The following AQP9 variants were observed in gnomAD, a reference collection of about 807,000 sequenced individuals.
AQP9 encodes aquaporin 9, also known as aquaporin-9.
Under a neutral mutation model 23.8 loss-of-function variants are expected in AQP9, and 19 were observed. That is an observed-to-expected ratio of 0.80 (90% CI 0.56 to 1.17). The LOEUF is 1.17. AQP9 is among the 50% of genes most tolerant of loss of function. AQP9 has a pLI of 0.00. For missense variants in AQP9, 413 were observed against 362.0 expected (o/e 1.14, Z -1.14); for synonymous variants, 153 against 131.5 (o/e 1.16, Z -1.12).
chr15:58,179,509 ATGTG>A (rs3052103), intron 5 of AQP9, among the ~76,000 whole-genome samples, 164 bp downstream of exon 5: 11 of 148,852 alleles, frequency 7.4e-5, no homozygotes, highest in South Asian at 2.1e-4. Context: ...TTGTGGTATG[ATGTG>A]TGTGTGTGTG....
At chr15:58,143,655 C>A (rs1261692294) in intron 1 of AQP9, among the ~76,000 whole-genome samples, 2 of 152,166 alleles carry the variant, frequency 1.3e-5, no homozygotes, top group Non-Finnish European at 2.9e-5. Context: ...TATATAGCTT[C>A]ATAGCTTATA....
At position 58,179,284 on chromosome 15, in the gene AQP9, G is replaced by A. The variant is rs755597585; in HGVS notation, c.652G>A (p.Ala218Thr). The change falls in exon 5 of 6, where the codon GCT (alanine) becomes ACT (threonine). Residue 218 changes from alanine (A) to threonine (T), a missense_variant. Transcript: ENST00000219919. The part of the protein sequence containing the change: ...GLNSGCAMNP[A>T]RDLSPRLFTA... The stretch of plus-strand genomic sequence containing the variant: ...GAACAGTGGCTGTGCCATGAACCCA[G>A]CTCGAGACCTGAGTCCCAGACTTTT... The A allele has an allele frequency of 5.0e-6, 8 of 1,614,140 alleles. No homozygotes were observed. The highest frequency in any genetic ancestry group is 6.8e-6 in the Non-Finnish European group (8 of 1,180,018).
rs574809479 is a variant in AQP9, at chr15:58,173,263, G to C, written c.376+58G>C. 473 of 1,603,852 alleles carry C rather than the reference G, an allele frequency of 2.9e-4. 1 individual carries two copies. In the African/African-American group the frequency reaches 5.3e-3, roughly 18 times the overall value. ...AGAGCTGGGCATAATTTGAAAGTCA[G>C]AATTACTTGGTAGGCACAGGCGAGA... is the stretch of plus-strand genomic sequence containing the variant. On this transcript the variant is annotated intron_variant, in intron 3 of 5. Coordinates refer to ENST00000219919, the MANE Select transcript of AQP9 (RefSeq NM_020980.5).
At chr15:58,145,208 G>T (rs556154665) in intron 1 of AQP9, among the ~76,000 whole-genome samples, 2 of 151,180 alleles carry the variant, frequency 1.3e-5, no homozygotes, top group Admixed American at 1.3e-4. Context: ...TTCTATTAAC[G>T]TATTTACCCT....
intron 2 of AQP9, among the ~76,000 whole-genome samples, chr15:58,169,410 A>G (rs1423868447): frequency 2.0e-5 from 3 of 152,196 alleles, no homozygotes; most frequent in African/African-American, 7.2e-5. Flanking sequence ...ACATTTTGGG[A>G]ACATGCAGCA....
intron 2 of AQP9, among the ~76,000 whole-genome samples, chr15:58,172,711 A>T (rs1041936195): frequency 6.6e-6 from 1 of 152,238 alleles, no homozygotes; most frequent in Non-Finnish European, 1.5e-5. Flanking sequence ...TTTAAAAGAT[A>T]TCGAAGTTAA....
intron 1 of AQP9, chr15:58,154,895 C>T (rs1178236362): frequency 6.6e-6 from 1 of 152,398 alleles, no homozygotes; most frequent in Non-Finnish European, 1.5e-5. Context: ...ATTATTCCTA[C>T]ATGGACTATA....
chr15:58,182,158 T>C (rs1271352836), intron 5 of AQP9, among the ~76,000 whole-genome samples: 1 of 152,180 alleles, frequency 6.6e-6, no homozygotes, highest in Non-Finnish European at 1.5e-5. Context: ...TTAAGATGTT[T>C]CCCATCAAAT....
intron 1 of AQP9, among the ~76,000 whole-genome samples, chr15:58,158,263 C>A (rs944398019): frequency 6.6e-6 from 1 of 152,112 alleles, no homozygotes; most frequent in Non-Finnish European, 1.5e-5. Flanking sequence ...TTCTTGGGGG[C>A]ATTGGTTGCA....
chr15:58,183,150 T>G (rs1348434191), intron 5 of AQP9, among the ~76,000 whole-genome samples: 1 of 152,210 alleles, frequency 6.6e-6, no homozygotes, highest in Non-Finnish European at 1.5e-5. Flanking sequence ...GCATTTATCC[T>G]GAAGTTTTGT....
chr15:58,160,085 C>T (rs1345421689), intron 1 of AQP9, among the ~76,000 whole-genome samples: 1 of 152,174 alleles, frequency 6.6e-6, no homozygotes. Flanking sequence ...AACCTCCACA[C>T]TATTTTCCAT....
intron 5 of AQP9, among the ~76,000 whole-genome samples, chr15:58,182,390 C>A (rs1372859280): frequency 1.3e-5 from 2 of 152,148 alleles, no homozygotes; most frequent in African/African-American, 4.8e-5. Flanking sequence ...CATCTGAGCG[C>A]CTCCATTTGT....
Position 58,184,250 on chromosome 15 carries a change from G to A in AQP9, c.*115G>A. 1 of 1,081,184 alleles carries A rather than the reference G, an allele frequency of 9.2e-7. No individual in the cohort carries two copies. The highest frequency in any genetic ancestry group is 1.3e-6 in the Non-Finnish European group (1 of 750,928). 67.0% of individuals were successfully genotyped at this position (1,081,184 alleles called of 1,614,324 possible). On this transcript the variant is annotated 3_prime_UTR_variant, in exon 6 of 6. Transcript: ENST00000219919. The stretch of plus-strand genomic sequence containing the variant: ...GGAATCCACCCAGTTTTGTCTGCTA[G>A]CCATATGGGACATCTAATTGGAAAA...
At chr15:58,152,374 CAAT>C (rs1203973342) in intron 1 of AQP9, 1 of 152,150 alleles carries the variant, frequency 6.6e-6, no homozygotes, top group African/African-American at 2.4e-5. Flanking sequence ...AATCACAACA[CAAT>C]GAGGGACACT....
At chr15:58,140,688 T>A (rs1468578234) in intron 1 of AQP9, among the ~76,000 whole-genome samples, 2 of 152,232 alleles carry the variant, frequency 1.3e-5, no homozygotes, top group African/African-American at 2.4e-5. Context: ...GCTTTGTACA[T>A]TGATAAGGCA....
intron 2 of AQP9, among the ~76,000 whole-genome samples, chr15:58,170,866 T>A (rs1009220254): frequency 2.0e-5 from 3 of 152,100 alleles, no homozygotes; most frequent in Non-Finnish European, 4.4e-5. Context: ...AACAAAGAAA[T>A]CTCCCATTGG....
chr15:58,154,251 A>G (rs1180797774), intron 1 of AQP9: 3 of 152,168 alleles, frequency 2.0e-5, no homozygotes, highest in African/African-American at 7.2e-5. Context: ...ACTAGACATA[A>G]TTTGATTAGG....
intron 5 of AQP9, 44 bp downstream of exon 5, chr15:58,179,389 G>A (rs575266369): frequency 5.5e-5 from 85 of 1,547,458 alleles, no homozygotes; most frequent in Middle Eastern, 4.2e-4. Context: ...GTCATGCTGC[G>A]CCTCACCAGT....
intron 1 of AQP9, among the ~76,000 whole-genome samples, chr15:58,165,638 T>C (rs1353078674): frequency 6.6e-6 from 1 of 152,236 alleles, no homozygotes; most frequent in African/African-American, 2.4e-5. Flanking sequence ...TTGGTATACA[T>C]GGATCTCCTT....
Sources: gnomAD v4.1 joint callset for allele counts (sites outside exome capture counted in the v4.1 genomes callset) on GRCh38, gnomAD v4.1.1 for gene constraint, MANE v1.5 for transcripts, NCBI Gene and HGNC (gene_info 2026-07-23, HGNC 2026-07-21) for gene names.